OPTN: variants seen among roughly 807,000 people sequenced by gnomAD.
The protein encoded by OPTN is optineurin.
Under a neutral mutation model 70.4 loss-of-function variants are expected in OPTN, and 54 were observed. The ratio of observed to expected loss-of-function variants is 0.77; its 90% CI spans 0.62 to 0.96. OPTN has a LOEUF of 0.96. OPTN is among the 40% of genes least tolerant of loss of function. The pLI is 0.00. For missense variants in OPTN, 624 were observed against 673.2 expected (o/e 0.93, Z 0.81); for synonymous variants, 256 against 248.5 (o/e 1.03, Z -0.28).
At chr10:13,128,669 T>G (rs561012107) in intron 12 of OPTN, among the ~76,000 whole-genome samples, 2 of 151,520 alleles carry the variant, frequency 1.3e-5, no homozygotes, top group East Asian at 3.9e-4. Context: ...CAGCCTCCCA[T>G]GTAGCTGGGA....
chr10:13,124,442 A>G (rs1348293912), intron 9 of OPTN, among the ~76,000 whole-genome samples: 1 of 152,248 alleles, frequency 6.6e-6, no homozygotes, highest in East Asian at 1.9e-4. Flanking sequence ...GTAAGCATAA[A>G]GAAAGATGAA....
Position 13,127,793 on chromosome 10 carries a change from G to T in OPTN, c.1291G>T (p.Glu431Ter). The T allele has an allele frequency of 1.9e-6, 3 of 1,614,134 alleles. No homozygotes were observed. Among genetic ancestry groups the T allele is most frequent in the Non-Finnish European group, 2.5e-6 (3 of 1,180,014 alleles). Reference sequence around the variant, plus strand: ...GCTGAAGGAACTGAGTGAAAAACTGGAACTGGCAGAGAAGGCTCTGGCTTC... The same window carrying T: ...GCTGAAGGAACTGAGTGAAAAACTGTAACTGGCAGAGAAGGCTCTGGCTTC... ...AVLKELSEKL[E>*]LAEKALASKQ... is the part of the protein sequence containing the mutation. Residue 431 changes from glutamate (E) to a stop codon, truncating the protein, a stop_gained, in exon 12 of 15, where the codon GAA becomes TAA. Coordinates refer to ENST00000378747, the MANE Select transcript of OPTN (RefSeq NM_001008212.2). LOFTEE classifies it high-confidence loss of function.
At chr10:13,110,124 C>A in intron 3 of OPTN, 150 bp from the exon 4 acceptor site, 3 of 1,412,426 alleles carry the variant, frequency 2.1e-6, no homozygotes, top group Non-Finnish European at 2.9e-6. Context: ...AAAACCACTT[C>A]GTCTTTTTGC....
At chr10:13,132,448 T>C (rs1241807333) in intron 13 of OPTN, among the ~76,000 whole-genome samples, 1 of 152,184 alleles carries the variant, frequency 6.6e-6, no homozygotes. Flanking sequence ...CAGAGACTTG[T>C]GGGAGCTTGA....
At position 13,114,784 on chromosome 10, in the gene OPTN, AATTATATAATTATATAT is replaced by A. The variant is rs1423797508; in HGVS notation, c.553-1481_553-1465del. Among the ~76,000 whole-genome samples, 4 of 104,656 alleles carry A rather than the reference AATTATATAATTATATAT, an allele frequency of 3.8e-5. 1 individual carries two copies. Among genetic ancestry groups the A allele is most frequent in the Non-Finnish European group, 7.2e-5 (4 of 55,742 alleles). The allele number at this position is 104,656 out of a possible 152,430, so 68.7% of individuals were successfully genotyped here. A position where few individuals can be genotyped will look rare whatever the true frequency, so the allele number is the denominator to read the frequency against. On this transcript the variant is annotated intron_variant, in intron 5 of 14. Coordinates refer to ENST00000378747, the MANE Select transcript of OPTN (RefSeq NM_001008212.2). ...TGCATATATAATTATATAATTATAT[AATTATATAATTATATAT>A]ACATATATATAATTATATAATTATA...
intron 1 of OPTN, 95 bp from the exon 2 acceptor site, chr10:13,108,043 C>T (rs1832905749): frequency 6.6e-6 from 1 of 152,196 alleles, no homozygotes; most frequent in Non-Finnish European, 1.5e-5. Context: ...TCAGACCATG[C>T]AATACCTAAA....
intron 1 of OPTN, among the ~76,000 whole-genome samples, chr10:13,106,884 G>C (rs891349292): frequency 1.8e-4 from 27 of 152,108 alleles, no homozygotes; most frequent in Non-Finnish European, 4.4e-5. Context: ...TCACAACTCA[G>C]GGTTCACACA....
chr10:13,104,945 G>C (rs565133386), intron 1 of OPTN, among the ~76,000 whole-genome samples: 14 of 151,440 alleles, frequency 9.2e-5, no homozygotes, highest in African/African-American at 3.4e-4. Context: ...TAACTACGCC[G>C]ACGTGCGAGC....
chr10:13,103,135 A>G (rs749071371), intron 1 of OPTN, among the ~76,000 whole-genome samples: 1 of 152,036 alleles, frequency 6.6e-6, no homozygotes, highest in Non-Finnish European at 1.5e-5. Context: ...TATCCCTTCT[A>G]GTGTGTAATG....
intron 11 of OPTN, among the ~76,000 whole-genome samples, chr10:13,126,621 G>C (rs948472283): frequency 1.3e-5 from 2 of 152,130 alleles, no homozygotes; most frequent in Admixed American, 6.6e-5. Context: ...GGAGAGCTAA[G>C]AGCATGGGCT....
chr10:13,133,477 A>G (rs1241609670), intron 13 of OPTN, 25 bp from the exon 14 acceptor site: 1 of 1,608,972 alleles, frequency 6.2e-7, no homozygotes, highest in African/African-American at 1.3e-5. Context: ...AACATCACAC[A>G]GCGTGTTGCT....
intron 7 of OPTN, among the ~76,000 whole-genome samples, chr10:13,120,127 C>T (rs1225838847): frequency 2.0e-5 from 3 of 151,556 alleles, no homozygotes; most frequent in African/African-American, 7.3e-5. Context: ...GGACTACAGG[C>T]GCCCGCCACC....
At chr10:13,112,126 G>A (rs989360266) in intron 4 of OPTN, among the ~76,000 whole-genome samples, 1 of 150,550 alleles carries the variant, frequency 6.6e-6, no homozygotes, top group African/African-American at 2.4e-5. Flanking sequence ...TGGGATTACA[G>A]GCGTGAGCCA....
Position 13,116,262 on chromosome 10 carries a change from C to T in OPTN, c.553-5C>T, listed in dbSNP as rs2244380. On this transcript the variant is annotated splice_region_variant and splice_polypyrimidine_tract_variant and intron_variant, in intron 5 of 14. Transcript: ENST00000378747. The stretch of plus-strand genomic sequence containing the variant: ...GTTAAATCCCTTGCATTTCTGTTTT[C>T]ACAGGAAGGAGAAGCAGAAGGGTCA... 0.81 allele frequency: 1,283,652 copies of T among 1,591,242 alleles called. 519,174 individuals carry two copies. The highest frequency in any genetic ancestry group is 0.94 in the Middle Eastern group (5,685 of 6,034).
At chr10:13,130,798 G>A (rs983242907) in intron 12 of OPTN, among the ~76,000 whole-genome samples, 1 of 152,098 alleles carries the variant, frequency 6.6e-6, no homozygotes, top group Non-Finnish European at 1.5e-5. Context: ...TGAAAAATTA[G>A]TATTAAATTC....
intron 5 of OPTN, among the ~76,000 whole-genome samples, chr10:13,115,132 T>C (rs1452663892): frequency 1.1e-4 from 11 of 99,020 alleles, no homozygotes. Flanking sequence ...TATATAAATT[T>C]ATAATATAGA....
intron 12 of OPTN, among the ~76,000 whole-genome samples, chr10:13,131,063 G>A (rs1251378827): frequency 6.6e-6 from 1 of 152,114 alleles, no homozygotes; most frequent in African/African-American, 2.4e-5. Context: ...GGAACTACAA[G>A]TGCATGCCAT....
chr10:13,136,191 G>A (rs11258219), intron 14 of OPTN, among the ~76,000 whole-genome samples: 30,055 of 150,472 alleles, frequency 0.2, 3,132 homozygotes, highest in East Asian at 0.31. Context: ...CATCTGTCAA[G>A]AAAAAAAAGT....
chr10:13,119,424 A>G (rs901865077), intron 7 of OPTN, among the ~76,000 whole-genome samples: 1 of 152,208 alleles, frequency 6.6e-6, no homozygotes, highest in Non-Finnish European at 1.5e-5. Flanking sequence ...CATTGTCTAT[A>G]TATACAACAT....
Sources: allele counts gnomAD v4.1 joint callset (sites outside exome capture counted in the v4.1 genomes callset), GRCh38; gene constraint gnomAD v4.1.1; transcripts MANE v1.5; gene names NCBI Gene and HGNC (gene_info 2026-07-23, HGNC 2026-07-21).